NELFA: variants seen among roughly 807,000 people sequenced by gnomAD.
NELFA encodes negative elongation factor complex member A.
In NELFA, 35 loss-of-function variants were observed where a neutral mutation model predicts 51.8. The ratio of observed to expected loss-of-function variants is 0.68; its 90% CI spans 0.52 to 0.90. The LOEUF (loss-of-function observed/expected upper bound fraction) is 0.90, where lower values mean the gene tolerates loss of function less well. Among genes scored for constraint, NELFA ranks in the 40% least tolerant of loss-of-function variants. NELFA has a pLI of 0.00. For synonymous variants in NELFA, 417 were observed against 338.4 expected, an observed-to-expected ratio of 1.23 and a Z score of -2.55; for missense variants, 658 against 746.4, an observed-to-expected ratio of 0.88 and a Z score of 1.38.
rs766739779 is a variant in NELFA at position 1,984,847 on chromosome 4, G to A, written c.997C>T (p.Pro333Ser). 3 of 1,575,408 alleles carry A rather than the reference G, an allele frequency of 1.9e-6. No homozygotes were observed. Among genetic ancestry groups the A allele is most frequent in the Admixed American group, 1.8e-5 (1 of 54,740 alleles). ...GAGCTGGGGATGTAGGAGGAGGCGGGAACCACGCTGGGCGTGGAGGGAAGG... is the reference window on the plus strand; with the variant it reads ...GAGCTGGGGATGTAGGAGGAGGCGGAAACCACGCTGGGCGTGGAGGGAAGG... ...SYLPSTPSVV[P>S]ASSYIPSSET... The change falls in exon 8 of 11, where the codon CCC becomes TCC. Residue 333 changes from proline to serine, a missense_variant. Physicochemically the swap from Pro to Ser is moderately conservative, Grantham distance 74. Transcript: ENST00000382882.
Position 1,986,106 on chromosome 4 carries a change from A to G in NELFA, c.835+8T>C, listed in dbSNP as rs368408285. The G allele has an allele frequency of 2.1e-5, 32 of 1,542,998 alleles. No homozygotes were observed. In the African/African-American group the frequency reaches 4.1e-4, roughly 20 times the overall value. ...CATTGCCGCCGACACGCAGGCCCCA[A>G]CCCCCACCGAGAGTCTTCCTTCTCC... On this transcript the variant is annotated splice_region_variant and intron_variant, in intron 6 of 10. Coordinates refer to ENST00000382882, the MANE Select transcript of NELFA (RefSeq NM_005663.5).
At position 1,989,143 on chromosome 4, in the gene NELFA, A is replaced by C. The variant is rs1045568195; in HGVS notation, c.544+565T>G. Among the ~76,000 whole-genome samples, 4 of 151,898 alleles carry C rather than the reference A, an allele frequency of 2.6e-5. No homozygotes were observed. Among genetic ancestry groups the C allele is most frequent in the Non-Finnish European group, 4.4e-5 (3 of 67,972 alleles). On this transcript the variant is annotated intron_variant, in intron 3 of 10. Coordinates refer to ENST00000382882, the MANE Select transcript of NELFA (RefSeq NM_005663.5). This position sits in a 1 kb window ranked among gnomAD's most constrained non-coding sequence, Gnocchi z 4.8. ...GTATTTTTAGTAGAGACGGGGTTTC[A>C]CCATGTGGGCCAGGCTGGTCTCGAT...
At chr4:1,988,120 A>C in intron 3 of NELFA, 113 bp from the exon 4 acceptor site, 1 of 852,670 alleles carries the variant, frequency 1.2e-6, no homozygotes, top group Non-Finnish European at 1.8e-6. Context: ...TGAACGCTGC[A>C]TTCTCTCTAA....
At position 1,983,689 on chromosome 4, in the gene NELFA, G is replaced by A; in HGVS notation, c.1309C>T (p.Gln437Ter). ...PKKNLSLTRE[Q>*]MFAAQEMFKT... ...AACATCTCCTGGGCAGCGAACATCTGCTCTCTCTACAGCGGGGAGAGGGGT... is the reference window on the plus strand; with the variant it reads ...AACATCTCCTGGGCAGCGAACATCTACTCTCTCTACAGCGGGGAGAGGGGT... Residue 437 changes from glutamine (Q) to a stop codon, truncating the protein, a stop_gained, in exon 10 of 11, where the codon CAG (glutamine) becomes TAG (stop). Transcript: ENST00000382882. LOFTEE classifies it high-confidence loss of function. The A allele has an allele frequency of 3.1e-6, 5 of 1,613,956 alleles. No individual in the cohort carries two copies. The highest frequency in any genetic ancestry group is 4.2e-6 in the Non-Finnish European group (5 of 1,179,954).
chr4:2,001,842 G>A (rs1577628554), intron 1 of NELFA, among the ~76,000 whole-genome samples: 1 of 151,902 alleles, frequency 6.6e-6, no homozygotes, highest in East Asian at 1.9e-4. Context: ...GGCGGAGGTT[G>A]CAGTGAGCCG....
rs542007176 is a variant in NELFA, at chr4:1,996,342, C to T, written c.211-4627G>A. On this transcript the variant is annotated intron_variant, in intron 1 of 10. Transcript: ENST00000382882. The stretch of plus-strand genomic sequence containing the variant: ...ATAGTGTGACGATACAGTTCTGTGA[C>T]TATCAAAACTTGTGGGATGCGGCTT... Among the ~76,000 whole-genome samples, 38 of 152,308 alleles carry T rather than the reference C, an allele frequency of 2.5e-4. 1 individual carries two copies. The South Asian group carries it at 7.7e-3, about 31-fold the overall frequency.
rs898624044 is a variant in NELFA, at chr4:1,985,821, C to T, written c.879G>A (p.Val293=). Residue 293 remains valine (V), a synonymous_variant, in exon 7 of 11, where the codon GTG becomes GTA. Transcript: ENST00000382882. ...CTGCGTAGTCCGGGGTGGCGTTCTC[C>T]ACCACCGTTTCCTCCTTGGCCGGCT... is the stretch of plus-strand genomic sequence containing the variant. The part of the protein sequence containing the change: ...VEKPAKEETV[V]ENATPDYAAG... 19 of 1,613,274 alleles carry T rather than the reference C, an allele frequency of 1.2e-5. No homozygotes were observed. Among genetic ancestry groups the T allele is most frequent in the Non-Finnish European group, 1.4e-5 (17 of 1,179,824 alleles).
At chr4:2,002,066 G>A (rs1406483740) in intron 1 of NELFA, among the ~76,000 whole-genome samples, 7 of 151,904 alleles carry the variant, frequency 4.6e-5, no homozygotes, top group Non-Finnish European at 7.4e-5. Context: ...CAGGCATGGT[G>A]GCGGGCGCCT....
intron 1 of NELFA, among the ~76,000 whole-genome samples, chr4:1,997,943 C>T (rs1728475694): frequency 6.6e-6 from 1 of 152,196 alleles, no homozygotes; most frequent in African/African-American, 2.4e-5. Context: ...CCCATCTTTG[C>T]TGTTCTGCAG....
intron 1 of NELFA, chr4:1,992,133 G>A (rs924353375): frequency 2.3e-5 from 5 of 220,948 alleles, no homozygotes; most frequent in Middle Eastern, 1.7e-3. Flanking sequence ...ACAGCAGAGC[G>A]CAGGAGCAGG....
Position 1,984,830 on chromosome 4 carries a change from G to A in NELFA, c.1014C>T (p.Ile338=). ...TPSVVPASSY[I]PSSETPPAPS... is the part of the protein sequence containing the mutation. Reference sequence around the variant, plus strand: ...CACCTGGGGGCGTCTCGGAGCTGGGGATGTAGGAGGAGGCGGGAACCACGC... The same window carrying A: ...CACCTGGGGGCGTCTCGGAGCTGGGAATGTAGGAGGAGGCGGGAACCACGC... The change falls in exon 8 of 11, where the codon ATC becomes ATT. Residue 338 remains isoleucine (I), a synonymous_variant. Transcript: ENST00000382882. 1 of 1,569,028 alleles carries A rather than the reference G, an allele frequency of 6.4e-7. No homozygotes were observed. The highest frequency in any genetic ancestry group is 8.6e-7 in the Non-Finnish European group (1 of 1,156,276).
At position 1,986,197 on chromosome 4, in the gene NELFA, C is replaced by T; in HGVS notation, c.766-14G>A. On this transcript the variant is annotated splice_polypyrimidine_tract_variant and intron_variant, in intron 5 of 10. Coordinates refer to ENST00000382882, the MANE Select transcript of NELFA (RefSeq NM_005663.5). Reference sequence around the variant, plus strand: ...GATGTCCAGCAGCTGCCAAGACAAGCACAGCCCTGCCTTAGTGACGGCACC... The same window carrying T: ...GATGTCCAGCAGCTGCCAAGACAAGTACAGCCCTGCCTTAGTGACGGCACC... The T allele has an allele frequency of 1.3e-6, 2 of 1,560,278 alleles. No homozygotes were observed. The highest frequency in any genetic ancestry group is 1.7e-6 in the Non-Finnish European group (2 of 1,151,946).
chr4:2,004,555 A>G (rs1489123300), intron 1 of NELFA, among the ~76,000 whole-genome samples: 1 of 151,688 alleles, frequency 6.6e-6, no homozygotes, highest in African/African-American at 2.4e-5. Context: ...TGATGCAATC[A>G]TGGCTCGCCG....
chr4:2,003,529 C>T (rs1224004297), intron 1 of NELFA, among the ~76,000 whole-genome samples: 5 of 152,146 alleles, frequency 3.3e-5, no homozygotes, highest in Admixed American at 2.6e-4. Context: ...ACATATACAC[C>T]ATGGAATACT....
At position 1,982,740 on chromosome 4, in the gene NELFA, G is replaced by T. The variant is rs1209172334; in HGVS notation, c.*579C>A. The T allele has an allele frequency of 1.3e-5, 2 of 152,454 alleles. No homozygotes were observed. The highest frequency in any genetic ancestry group is 4.1e-4 in the South Asian group (2 of 4,834). The allele number at this position is 152,454 out of a possible 1,614,324, so 9.4% of individuals were successfully genotyped here. ...ATGGTGGCTTTCTTTAGAAAAGCTC[G>T]ACTTTAATGGTTCAGATAGTTTTAC... On this transcript the variant is annotated 3_prime_UTR_variant, in exon 11 of 11. Coordinates refer to ENST00000382882, the MANE Select transcript of NELFA (RefSeq NM_005663.5).
At chr4:2,007,908 T>C in intron 1 of NELFA, 1 of 454,434 alleles carries the variant, frequency 2.2e-6, no homozygotes, top group South Asian at 1.6e-5. Flanking sequence ...AACTACTCGG[T>C]TTATTTCGCA....
At position 1,996,022 on chromosome 4, in the gene NELFA, A is replaced by G. The variant is rs547836026; in HGVS notation, c.211-4307T>C. ...ACAGTTAAGAATAGAATAGATTTGT[A>G]CAACATGATTATACAAATTGGCCTA... On this transcript the variant is annotated intron_variant, in intron 1 of 10. Coordinates refer to ENST00000382882, the MANE Select transcript of NELFA (RefSeq NM_005663.5). Among the ~76,000 whole-genome samples, 4 of 152,314 alleles carry G rather than the reference A, an allele frequency of 2.6e-5. No individual in the cohort carries two copies. In the South Asian group the frequency reaches 8.3e-4, roughly 32 times the overall value.
At chr4:1,994,244 A>C (rs1041874028) in intron 1 of NELFA, among the ~76,000 whole-genome samples, 4 of 152,106 alleles carry the variant, frequency 2.6e-5, no homozygotes, top group African/African-American at 9.7e-5. Context: ...CAGCCTGAGC[A>C]ACAGAGCAAG....
intron 4 of NELFA, chr4:1,987,387 C>G (rs1728136777): frequency 6.5e-6 from 1 of 153,200 alleles, no homozygotes; most frequent in South Asian, 2.0e-4. Context: ...AGGGTGCATC[C>G]TGCTTAAGCT....
Sources: allele counts gnomAD v4.1 joint callset (sites outside exome capture counted in the v4.1 genomes callset), GRCh38; gene constraint gnomAD v4.1.1; non-coding constraint Gnocchi (gnomAD v3.1); transcripts MANE v1.5; gene names NCBI Gene and HGNC (gene_info 2026-07-23, HGNC 2026-07-21).